SLC24A2: variants seen among roughly 807,000 people sequenced by gnomAD.
SLC24A2 encodes sodium/potassium/calcium exchanger 2.
In SLC24A2, 36 loss-of-function variants were observed where a neutral mutation model predicts 62.0. The ratio of observed to expected loss-of-function variants is 0.58; its 90% CI spans 0.44 to 0.77. The LOEUF (loss-of-function observed/expected upper bound fraction) is 0.77, where lower values mean the gene tolerates loss of function less well. SLC24A2 is among the 30% of genes least tolerant of loss of function. The pLI is 0.00. For missense variants in SLC24A2, 846 were observed against 817.9 expected (o/e 1.03, Z -0.42); for synonymous variants, 358 against 294.0 (o/e 1.22, Z -2.23).
the SLC24A2 span, among the ~76,000 whole-genome samples, chr9:20,180,577 A>T: frequency 1.6e-4 from 25 of 152,316 alleles, no homozygotes; most frequent in Non-Finnish European, 2.8e-4. Flanking sequence ...CCAGTTCTTA[A>T]TAATTCCATG....
chr9:20,212,543 C>T, the SLC24A2 span, among the ~76,000 whole-genome samples: 4 of 151,670 alleles, frequency 2.6e-5, no homozygotes, highest in South Asian at 2.1e-4. Flanking sequence ...CCCAGCTACT[C>T]GGGAGGCATA....
intron 2 of SLC24A2, among the ~76,000 whole-genome samples, chr9:19,703,088 T>G (rs2118538774): frequency 6.6e-6 from 1 of 152,322 alleles, no homozygotes; most frequent in East Asian, 1.9e-4. Context: ...TGTGTAAGTG[T>G]GTGTACTAGA....
chr9:19,990,620 A>C, the SLC24A2 span, among the ~76,000 whole-genome samples: 34,077 of 106,970 alleles, frequency 0.32, 3,985 homozygotes, highest in Admixed American at 0.43. Context: ...AAAAAACAAA[A>C]AAAAAAAAAC....
intron 2 of SLC24A2, among the ~76,000 whole-genome samples, chr9:19,638,861 T>C (rs1818422538): frequency 6.6e-6 from 1 of 152,118 alleles, no homozygotes; most frequent in Non-Finnish European, 1.5e-5. Context: ...GAAAATAAAA[T>C]AAGAATCTCC....
At chr9:19,938,909 A>ACAAG in the SLC24A2 span, among the ~76,000 whole-genome samples, 1 of 152,144 alleles carries the variant, frequency 6.6e-6, no homozygotes, top group Non-Finnish European at 1.5e-5. Context: ...AAACAAACAA[A>ACAAG]CAAACAAAAA....
chr9:20,305,506 G>GGA, the SLC24A2 span, among the ~76,000 whole-genome samples: 1 of 152,166 alleles, frequency 6.6e-6, no homozygotes, highest in Non-Finnish European at 1.5e-5. Context: ...ATGTAGGTCA[G>GGA]GAGGTAGCAA....
chr9:19,697,611 A>C (rs560441773), intron 2 of SLC24A2, among the ~76,000 whole-genome samples: 7 of 152,304 alleles, frequency 4.6e-5, no homozygotes, highest in African/African-American at 1.7e-4. Flanking sequence ...ATTTCCTTAC[A>C]CTGGCTTAGC....
chr9:19,846,707 T>C, the SLC24A2 span, among the ~76,000 whole-genome samples: 1 of 152,192 alleles, frequency 6.6e-6, no homozygotes, highest in African/African-American at 2.4e-5. Context: ...CAGCAATTTT[T>C]ATTTATATTA....
At chr9:19,979,602 T>A in the SLC24A2 span, among the ~76,000 whole-genome samples, 3 of 152,176 alleles carry the variant, frequency 2.0e-5, no homozygotes, top group South Asian at 6.2e-4. Context: ...AGGCATTCCA[T>A]CATTCTCTAG....
At chr9:19,807,443 G>GA in the SLC24A2 span, among the ~76,000 whole-genome samples, 1 of 152,118 alleles carries the variant, frequency 6.6e-6, no homozygotes. Flanking sequence ...TATGTTAGAA[G>GA]AAAAAGTACA....
the SLC24A2 span, among the ~76,000 whole-genome samples, chr9:20,307,047 C>T: frequency 6.6e-6 from 1 of 152,236 alleles, no homozygotes; most frequent in East Asian, 1.9e-4. Flanking sequence ...TCTGCATTCA[C>T]CCTGTAATTT....
At chr9:20,064,696 G>C in the SLC24A2 span, among the ~76,000 whole-genome samples, 1 of 152,184 alleles carries the variant, frequency 6.6e-6, no homozygotes, top group Non-Finnish European at 1.5e-5. Flanking sequence ...TAGGTATTTA[G>C]ATGGGGGCTA....
chr9:19,641,997 C>T (rs1818508527), intron 2 of SLC24A2, among the ~76,000 whole-genome samples: 1 of 152,072 alleles, frequency 6.6e-6, no homozygotes, highest in African/African-American at 2.4e-5. Context: ...AAGGGTATAG[C>T]TTCCACACAT....
chr9:20,178,958 C>G, the SLC24A2 span, among the ~76,000 whole-genome samples: 2 of 152,132 alleles, frequency 1.3e-5, no homozygotes, highest in African/African-American at 2.4e-5. Flanking sequence ...AGCTTGGGCT[C>G]AGAAAGACCT....
At chr9:19,980,596 G>A in the SLC24A2 span, among the ~76,000 whole-genome samples, 1 of 152,156 alleles carries the variant, frequency 6.6e-6, no homozygotes, top group Non-Finnish European at 1.5e-5. Context: ...TAGAGAGAAT[G>A]TTTAATATGA....
At chr9:19,541,517 C>T (rs1421095453) in intron 8 of SLC24A2, among the ~76,000 whole-genome samples, 6 of 143,500 alleles carry the variant, frequency 4.2e-5, no homozygotes, top group East Asian at 2.5e-4. Context: ...TTAGGCTGCT[C>T]GGGGGTCAGG....
At chr9:20,039,416 G>C in the SLC24A2 span, among the ~76,000 whole-genome samples, 1 of 152,084 alleles carries the variant, frequency 6.6e-6, no homozygotes, top group African/African-American at 2.4e-5. Flanking sequence ...ACCCAGTCCA[G>C]GGCAGGAGGA....
chr9:20,044,972 A>G, the SLC24A2 span, among the ~76,000 whole-genome samples: 8 of 152,132 alleles, frequency 5.3e-5, no homozygotes, highest in African/African-American at 1.7e-4. Context: ...ACTGGGGACC[A>G]TTTGAGAGCA....
At chr9:20,220,891 C>G in the SLC24A2 span, among the ~76,000 whole-genome samples, 1 of 152,066 alleles carries the variant, frequency 6.6e-6, no homozygotes, top group Non-Finnish European at 1.5e-5. Context: ...AAGGAAATGA[C>G]CAATACTCAA....
Sources: allele counts gnomAD v4.1 joint callset (sites outside exome capture counted in the v4.1 genomes callset), GRCh38; gene constraint gnomAD v4.1.1; transcripts MANE v1.5; gene names NCBI Gene and HGNC (gene_info 2026-07-23, HGNC 2026-07-21).